The following ADARB2 variants were observed in gnomAD, a reference collection of about 807,000 sequenced individuals.
ADARB2 encodes adenosine deaminase RNA specific B2 (inactive).
Under a neutral mutation model 62.2 loss-of-function variants are expected in ADARB2, and 25 were observed. The observed-to-expected ratio is 0.40, with a 90% confidence interval of 0.29 to 0.56. ADARB2 has a LOEUF of 0.56. Ranked by LOEUF, ADARB2 falls within the 20% of genes least tolerant of loss-of-function variation. The pLI, the probability that ADARB2 is intolerant of heterozygous loss-of-function variation, is 0.43. For missense variants in ADARB2, 1,071 were observed against 1,077.4 expected (o/e 0.99, Z 0.08); for synonymous variants, 572 against 500.8 (o/e 1.14, Z -1.90).
intron 1 of ADARB2, among the ~76,000 whole-genome samples, chr10:1,470,975 C>T (rs547358897): frequency 1.3e-5 from 2 of 152,148 alleles, no homozygotes; most frequent in African/African-American, 2.4e-5. Flanking sequence ...AGGAGAATGG[C>T]GTGAACCCGG....
intron 1 of ADARB2, among the ~76,000 whole-genome samples, chr10:1,691,826 T>G (rs1200013085): frequency 6.6e-6 from 1 of 152,142 alleles, no homozygotes; most frequent in Non-Finnish European, 1.5e-5. Flanking sequence ...TTCTGTCCCC[T>G]CCAGATAGGG....
intron 1 of ADARB2, among the ~76,000 whole-genome samples, chr10:1,660,703 G>A (rs1300129767): frequency 6.6e-6 from 1 of 152,150 alleles, no homozygotes; most frequent in Non-Finnish European, 1.5e-5. Flanking sequence ...GGTATCCATG[G>A]ACACCTGCCC....
chr10:1,207,263 T>G (rs1451425751), intron 7 of ADARB2, among the ~76,000 whole-genome samples: 1 of 152,178 alleles, frequency 6.6e-6, no homozygotes, highest in East Asian at 1.9e-4. Flanking sequence ...AGAGAATTGC[T>G]TGAACCTGGG....
intron 2 of ADARB2, among the ~76,000 whole-genome samples, chr10:1,376,091 C>A (rs1378556403): frequency 3.9e-5 from 6 of 152,074 alleles, no homozygotes; most frequent in African/African-American, 1.4e-4. Context: ...ACGACACACA[C>A]ACACACACGC....
chr10:1,544,956 T>TATACACACACACACACACACACAC (rs10526252), intron 1 of ADARB2, among the ~76,000 whole-genome samples: 8,456 of 133,772 alleles, frequency 0.063, 392 homozygotes, highest in South Asian at 0.09. Context: ...TAGCAAAGTA[T>TATACACACACACACACACACACAC]ACACACACAC....
intron 1 of ADARB2, among the ~76,000 whole-genome samples, chr10:1,479,135 G>A (rs996072453): frequency 2.6e-5 from 4 of 152,178 alleles, no homozygotes; most frequent in African/African-American, 9.6e-5. Flanking sequence ...GACCTCTCTG[G>A]GTCAACCAGG....
chr10:1,668,396 G>T (rs1834339120), intron 1 of ADARB2, among the ~76,000 whole-genome samples: 1 of 152,202 alleles, frequency 6.6e-6, no homozygotes, highest in South Asian at 2.1e-4. Flanking sequence ...TGACATGTGT[G>T]CTGTTAGTGC....
chr10:1,651,668 G>T (rs1425733424), intron 1 of ADARB2, among the ~76,000 whole-genome samples: 4 of 152,290 alleles, frequency 2.6e-5, no homozygotes, highest in South Asian at 2.1e-4. Context: ...CAAGCAAGGG[G>T]CACATTTCGT....
chr10:1,645,484 C>G (rs1834028483), intron 1 of ADARB2, among the ~76,000 whole-genome samples: 1 of 152,200 alleles, frequency 6.6e-6, no homozygotes, highest in African/African-American at 2.4e-5. Context: ...CATAAAGCCT[C>G]TAACTTGACT....
intron 1 of ADARB2, among the ~76,000 whole-genome samples, chr10:1,536,517 A>C (rs996290798): frequency 6.6e-6 from 1 of 152,196 alleles, no homozygotes; most frequent in South Asian, 2.1e-4. Context: ...GCAGGTCTGC[A>C]CCTGCGTCTC....
rs111376894 is a variant in ADARB2 at position 1,563,636 on chromosome 10, T to A, written c.100+173415A>T. ...GGACATTTCATTTTACTTTTTTTTT[T>A]ATTATTATTATACTTTAAGTTTTAG... On this transcript the variant is annotated intron_variant, in intron 1 of 9. Coordinates refer to ENST00000381312, the MANE Select transcript of ADARB2 (RefSeq NM_018702.4). 6.9e-3 allele frequency among the ~76,000 whole-genome samples: 1,042 copies of A among 151,168 alleles called. 8 individuals are homozygous for A. The highest frequency in any genetic ancestry group is 0.024 in the African/African-American group (981 of 41,242).
intron 3 of ADARB2, 103 bp from the exon 4 acceptor site, chr10:1,271,172 C>T (rs1375415896): frequency 2.3e-6 from 2 of 875,662 alleles, no homozygotes; most frequent in African/African-American, 3.3e-5. Context: ...CCCATGTGGC[C>T]ACACATGGGC....
At chr10:1,639,808 C>A (rs1270000507) in intron 1 of ADARB2, among the ~76,000 whole-genome samples, 1 of 152,168 alleles carries the variant, frequency 6.6e-6, no homozygotes, top group Admixed American at 6.5e-5. Context: ...TGCCACTGCA[C>A]TCCAGCCTGG....
intron 1 of ADARB2, among the ~76,000 whole-genome samples, chr10:1,610,732 A>G (rs938955304): frequency 1.3e-4 from 19 of 148,340 alleles, no homozygotes; most frequent in African/African-American, 4.0e-4. Flanking sequence ...AGGACTGTTC[A>G]TGGAGATGGG....
At chr10:1,327,867 T>A (rs1179039013) in intron 3 of ADARB2, among the ~76,000 whole-genome samples, 2 of 147,484 alleles carry the variant, frequency 1.4e-5, no homozygotes, top group African/African-American at 5.1e-5. Context: ...GCTCAGCGCC[T>A]CCTCACAGCT....
chr10:1,580,173 G>A (rs1037580868), intron 1 of ADARB2, among the ~76,000 whole-genome samples: 21 of 152,236 alleles, frequency 1.4e-4, no homozygotes, highest in South Asian at 6.2e-4. Context: ...CAGGTAAATC[G>A]CGTGTTGCCA....
chr10:1,324,082 G>A (rs895822378), intron 3 of ADARB2, among the ~76,000 whole-genome samples: 1 of 152,112 alleles, frequency 6.6e-6, no homozygotes, highest in African/African-American at 2.4e-5. Flanking sequence ...ATCAGAAATG[G>A]GCAAAAGACA....
intron 1 of ADARB2, among the ~76,000 whole-genome samples, chr10:1,627,407 TCTCTC>T (rs1194302507): frequency 6.6e-6 from 1 of 152,142 alleles, no homozygotes; most frequent in Non-Finnish European, 1.5e-5. Context: ...TTTTTCTCTC[TCTCTC>T]ATCACCTTCT....
intron 1 of ADARB2, among the ~76,000 whole-genome samples, chr10:1,567,700 G>A (rs898177127): frequency 2.0e-5 from 3 of 152,214 alleles, no homozygotes; most frequent in East Asian, 1.9e-4. Flanking sequence ...GCTGATGCTC[G>A]ATGTCTTGGA....
Sources: allele counts gnomAD v4.1 joint callset (sites outside exome capture counted in the v4.1 genomes callset), GRCh38; gene constraint gnomAD v4.1.1; transcripts MANE v1.5; gene names NCBI Gene and HGNC (gene_info 2026-07-23, HGNC 2026-07-21).